Variants in PPP1R1C observed in about 807,000 individuals in gnomAD.
PPP1R1C encodes the protein protein phosphatase 1 regulatory inhibitor subunit 1C.
PPP1R1C carries 15 observed loss-of-function variants against 17.4 expected under a neutral mutation model. The observed-to-expected ratio is 0.86, with a 90% CI of 0.58 to 1.33. The LOEUF (loss-of-function observed/expected upper bound fraction) is 1.33, where lower values mean the gene tolerates loss of function less well. Among genes scored for constraint, PPP1R1C ranks in the 40% most tolerant of loss-of-function variants. The pLI is 0.00. For missense variants in PPP1R1C, 143 were observed against 130.0 expected, an observed-to-expected ratio of 1.10 and a Z score of -0.48; for synonymous variants, 35 against 43.1, an observed-to-expected ratio of 0.81 and a Z score of 0.73.
chr2:182,114,349 A>G (rs6705911), intron 4 of PPP1R1C, among the ~76,000 whole-genome samples: 49,349 of 152,056 alleles, frequency 0.32, 9,246 homozygotes, highest in Non-Finnish European at 0.41. Flanking sequence ...AGACCAATTC[A>G]TTTTCATCCA....
At chr2:182,013,074 G>A (rs1480031743) in intron 2 of PPP1R1C, among the ~76,000 whole-genome samples, 1 of 152,062 alleles carries the variant, frequency 6.6e-6, no homozygotes, top group African/African-American at 2.4e-5. Context: ...CATAGTTACA[G>A]TGTCATAATA....
At chr2:182,029,140 C>T (rs1437181411) in intron 2 of PPP1R1C, among the ~76,000 whole-genome samples, 2 of 144,408 alleles carry the variant, frequency 1.4e-5, no homozygotes, top group Admixed American at 6.9e-5. Context: ...GAATACAGCA[C>T]ACTGATGGGT....
At chr2:182,052,185 T>A (rs1687542297) in intron 2 of PPP1R1C, among the ~76,000 whole-genome samples, 1 of 152,218 alleles carries the variant, frequency 6.6e-6, no homozygotes, top group Non-Finnish European at 1.5e-5. Flanking sequence ...TTTTAGTTTT[T>A]CTTTGTGGCT....
Position 182,108,026 on chromosome 2 carries a change from C to G in PPP1R1C, c.242-9181C>G, listed in dbSNP as rs556215433. Among the ~76,000 whole-genome samples, 5 of 152,144 alleles carry G rather than the reference C, an allele frequency of 3.3e-5. No homozygotes were observed. The Middle Eastern group carries it at 0.014, about 414-fold the overall frequency. On this transcript the variant is annotated intron_variant, in intron 4 of 4. Coordinates refer to ENST00000682840, the MANE Select transcript of PPP1R1C (RefSeq NM_001080545.3). ...CTGTTTTCTATGTCATAGTTTTCCT[C>G]CTCCCTATGGGATCATACCCATCAA...
intron 4 of PPP1R1C, among the ~76,000 whole-genome samples, chr2:182,074,979 G>T (rs1688251258): frequency 6.6e-6 from 1 of 152,096 alleles, no homozygotes; most frequent in African/African-American, 2.4e-5. Context: ...TACAGTTTTG[G>T]ATTTTTCATT....
At chr2:182,121,320 T>A (rs1022438266), downstream of PPP1R1C, among the ~76,000 whole-genome samples, 6 of 151,702 alleles carry the variant, frequency 4.0e-5, no homozygotes, top group Admixed American at 1.3e-4. Context: ...AGATAAGACC[T>A]ATAAAATACT....
Position 181,962,358 on chromosome 2 carries a change from C to A in PPP1R1C, n.111+7724C>A. 1 of 938,342 alleles carries A rather than the reference C, an allele frequency of 1.1e-6. No homozygotes were observed. The allele number at this position is 938,342 out of a possible 1,614,324, so 58.1% of individuals were successfully genotyped here. A position where few individuals can be genotyped will look rare whatever the true frequency, so the allele number is the denominator to read the frequency against. ...GACACGGATATCCGGGAACCAGAGC[C>A]CCCGGCGCCTGCATAGACGCTGGCC... On this transcript the variant is annotated intron_variant and non_coding_transcript_variant, in intron 1 of 5. Coordinates refer to the PPP1R1C transcript ENST00000464264. The surrounding 1 kb of genome is among the most constrained non-coding windows in gnomAD (Gnocchi z 6.0).
intron 4 of PPP1R1C, among the ~76,000 whole-genome samples, chr2:182,100,162 G>A (rs2125227016): frequency 6.6e-6 from 1 of 152,216 alleles, no homozygotes; most frequent in South Asian, 2.1e-4. Context: ...TACTTAAGTT[G>A]CCTTTCATTT....
chr2:182,101,694 G>C (rs895018856), intron 4 of PPP1R1C, among the ~76,000 whole-genome samples: 1 of 152,202 alleles, frequency 6.6e-6, no homozygotes, highest in Non-Finnish European at 1.5e-5. Context: ...GTATGTGTAC[G>C]TGTGCATATA....
intron 2 of PPP1R1C, among the ~76,000 whole-genome samples, chr2:182,046,315 C>G (rs185877277): frequency 6.6e-6 from 1 of 152,272 alleles, no homozygotes; most frequent in Admixed American, 6.5e-5. Flanking sequence ...CCCATTCCCC[C>G]TGCCCTTACC....
intron 4 of PPP1R1C, among the ~76,000 whole-genome samples, chr2:182,090,318 A>AGTGT (rs1559088788): frequency 7.7e-5 from 8 of 104,498 alleles, no homozygotes; most frequent in African/African-American, 3.2e-4. Flanking sequence ...TGTGTGTGTC[A>AGTGT]GAGAGAGACA....
chr2:181,965,813 G>A (rs1195042085), intron 1 of PPP1R1C, among the ~76,000 whole-genome samples: 1 of 152,076 alleles, frequency 6.6e-6, no homozygotes, highest in Non-Finnish European at 1.5e-5. Flanking sequence ...TATAAATTTT[G>A]GGATAGTTTT....
intron 4 of PPP1R1C, among the ~76,000 whole-genome samples, chr2:182,070,280 G>A (rs1337987907): frequency 1.3e-5 from 2 of 152,186 alleles, no homozygotes; most frequent in Non-Finnish European, 1.5e-5. Context: ...CACTTGTGAA[G>A]CATTTAAGAT....
At chr2:181,986,524 C>G (rs901071986) in intron 1 of PPP1R1C, among the ~76,000 whole-genome samples, 1 of 152,014 alleles carries the variant, frequency 6.6e-6, no homozygotes, top group Non-Finnish European at 1.5e-5. Context: ...TAAAAATTAT[C>G]AAAATGAGCA....
intron 2 of PPP1R1C, among the ~76,000 whole-genome samples, chr2:182,043,886 C>T (rs1231439286): frequency 6.6e-6 from 1 of 152,176 alleles, no homozygotes; most frequent in Admixed American, 6.5e-5. Context: ...TTCAGCTCCG[C>T]TTTCACTACT....
downstream of PPP1R1C, among the ~76,000 whole-genome samples, chr2:182,119,931 T>G (rs1214192811): frequency 6.6e-6 from 1 of 152,264 alleles, no homozygotes; most frequent in Non-Finnish European, 1.5e-5. Context: ...TTTGTCAGTT[T>G]TGGCTTTTGT....
chr2:181,970,115 G>T (rs1684977746), intron 1 of PPP1R1C, among the ~76,000 whole-genome samples: 1 of 151,582 alleles, frequency 6.6e-6, no homozygotes, highest in African/African-American at 2.4e-5. Flanking sequence ...ATTGGTCCAT[G>T]GTGTCTTGTG....
At chr2:181,989,355 A>G (rs1254915226) in intron 2 of PPP1R1C, among the ~76,000 whole-genome samples, 3 of 152,230 alleles carry the variant, frequency 2.0e-5, no homozygotes, top group Non-Finnish European at 2.9e-5. Context: ...CATTTGGATG[A>G]GGAAAGTGTG....
chr2:182,057,201 T>C lies in PPP1R1C; in HGVS notation c.143-4241T>C, dbSNP rs1004327633. ...CTCAGAGATGTGGAAAAATCAAACA[T>C]AGAGGATAATCCTCATTCTTTTGCA... On this transcript the variant is annotated intron_variant, in intron 2 of 4. Transcript: ENST00000682840. 2.6e-5 allele frequency among the ~76,000 whole-genome samples: 4 copies of C among 152,156 alleles called. No homozygotes were observed. The South Asian group carries it at 8.3e-4, about 31-fold the overall frequency.
Sources: gnomAD v4.1 joint callset for allele counts (sites outside exome capture counted in the v4.1 genomes callset) on GRCh38, gnomAD v4.1.1 for gene constraint, Gnocchi (gnomAD v3.1) non-coding constraint, MANE v1.5 for transcripts, NCBI Gene and HGNC (gene_info 2026-07-23, HGNC 2026-07-21) for gene names.